WAC: variants seen among roughly 807,000 people sequenced by gnomAD.
The protein encoded by WAC is WW domain-containing adapter protein with coiled-coil.
A neutral mutation model predicts 79.6 loss-of-function variants in WAC; 11 were observed. The ratio of observed to expected loss-of-function variants is 0.14; its 90% CI spans 0.09 to 0.23. WAC has a LOEUF of 0.23. WAC is among the 10% of genes least tolerant of loss of function. WAC has a pLI of 1.00. For missense variants in WAC, 728 were observed against 773.5 expected (o/e 0.94, Z 0.70); for synonymous variants, 304 against 276.9 (o/e 1.10, Z -0.97).
chr10:28,534,768 A>G (rs761747614), intron 2 of WAC, among the ~76,000 whole-genome samples: 14 of 152,258 alleles, frequency 9.2e-5, no homozygotes, highest in African/African-American at 3.4e-4. Context: ...ACTAGAGAGC[A>G]GGTTTCTAAC....
At chr10:28,582,050 A>G (rs1412372418) in intron 3 of WAC, among the ~76,000 whole-genome samples, 1 of 152,242 alleles carries the variant, frequency 6.6e-6, no homozygotes, top group African/African-American at 2.4e-5. Flanking sequence ...TTAAGTAACC[A>G]TTGTACTTAG....
chr10:28,533,735 A>G, intron 1 of WAC, 115 bp downstream of exon 1: 1 of 1,050,936 alleles, frequency 9.5e-7, no homozygotes, highest in South Asian at 1.5e-5. Flanking sequence ...CCTGATCCGG[A>G]TCGGGTTGGG....
chr10:28,615,998 T>A, intron 11 of WAC, 175 bp from the exon 12 acceptor site: 3 of 499,136 alleles, frequency 6.0e-6, no homozygotes, highest in Non-Finnish European at 1.0e-5. Flanking sequence ...TAAAGTGTTT[T>A]GAGGAATCAT....
At chr10:28,596,515 G>A (rs1840377918) in intron 7 of WAC, among the ~76,000 whole-genome samples, 1 of 152,176 alleles carries the variant, frequency 6.6e-6, no homozygotes, top group African/African-American at 2.4e-5. Context: ...GTTAATGTCT[G>A]AATTGGACCT....
intron 3 of WAC, among the ~76,000 whole-genome samples, chr10:28,583,116 A>G (rs1034999068): frequency 1.3e-5 from 2 of 152,118 alleles, no homozygotes; most frequent in African/African-American, 4.8e-5. Flanking sequence ...AAGTTGCTAC[A>G]AATGATAAAG....
At chr10:28,537,559 C>T (rs748957202) in intron 3 of WAC, 7 of 152,176 alleles carry the variant, frequency 4.6e-5, no homozygotes, top group Non-Finnish European at 8.8e-5. Flanking sequence ...TTCCAGCAAA[C>T]CTTGCTCAGC....
intron 3 of WAC, among the ~76,000 whole-genome samples, chr10:28,547,380 C>A (rs551213360): frequency 6.6e-6 from 1 of 151,872 alleles, no homozygotes; most frequent in Non-Finnish European, 1.5e-5. Flanking sequence ...ACTAAAAATA[C>A]AAAAATTAGC....
intron 9 of WAC, chr10:28,611,511 T>G: frequency 7.2e-7 from 1 of 1,382,056 alleles, no homozygotes; most frequent in Non-Finnish European, 9.5e-7. Flanking sequence ...GAGATTAGGT[T>G]CAGGCCTAGC....
intron 3 of WAC, among the ~76,000 whole-genome samples, chr10:28,541,815 A>AT (rs1564373224): frequency 6.6e-6 from 1 of 152,060 alleles, no homozygotes; most frequent in Non-Finnish European, 1.5e-5. Context: ...CTATTTTATC[A>AT]TTTTAGTTCT....
chr10:28,566,896 G>C lies in WAC; in HGVS notation c.275-16503G>C, dbSNP rs1361168618. ...GAGTCCTTTTCAATCTGCAGATTCA[G>C]ATCTTCTTTTATTTCAGGGAAGTTT... On this transcript the variant is annotated intron_variant, in intron 3 of 13. Transcript: ENST00000354911. Among the ~76,000 whole-genome samples, 3 of 150,064 alleles carry C rather than the reference G, an allele frequency of 2.0e-5. No individual in the cohort carries two copies. The East Asian group carries it at 5.8e-4, about 29-fold the overall frequency.
At chr10:28,544,621 T>G (rs751053402) in intron 3 of WAC, among the ~76,000 whole-genome samples, 16 of 152,180 alleles carry the variant, frequency 1.1e-4, no homozygotes, top group Non-Finnish European at 2.2e-4. Flanking sequence ...GCTGCTGCTT[T>G]CTTTGTTTAG....
intron 3 of WAC, among the ~76,000 whole-genome samples, chr10:28,549,484 G>A (rs1335311610): frequency 6.6e-6 from 1 of 152,128 alleles, no homozygotes; most frequent in Non-Finnish European, 1.5e-5. Context: ...CCTGATTAAT[G>A]CCTGGGAAGT....
chr10:28,534,352 T>C (rs1836492021), intron 2 of WAC: 1 of 323,802 alleles, frequency 3.1e-6, no homozygotes, highest in African/African-American at 2.1e-5. Flanking sequence ...GATAGGTGAC[T>C]TACGAGGCTT....
intron 7 of WAC, among the ~76,000 whole-genome samples, chr10:28,607,431 G>A (rs368430088): frequency 1.3e-5 from 2 of 152,198 alleles, no homozygotes; most frequent in Non-Finnish European, 2.9e-5. Context: ...TTTGATTACA[G>A]TTACATTAAA....
intron 3 of WAC, among the ~76,000 whole-genome samples, chr10:28,558,236 G>A (rs1203179040): frequency 6.6e-6 from 1 of 150,950 alleles, no homozygotes; most frequent in African/African-American, 2.4e-5. Flanking sequence ...TTTTTCTGTT[G>A]CCACTTTGTT....
chr10:28,609,490 G>C (rs1436451432), intron 8 of WAC, among the ~76,000 whole-genome samples: 1 of 145,994 alleles, frequency 6.8e-6, no homozygotes, highest in Non-Finnish European at 1.6e-5. Context: ...TCATTAGTCT[G>C]TTCTTACTGT....
In WAC at chr10:28,622,425, G is replaced by GCCCCCC. The variant is rs35804351; in HGVS notation, c.*2833_*2838dup. 9 of 3,770 alleles carry GCCCCCC rather than the reference G, an allele frequency of 2.4e-3. No homozygotes were observed. The highest frequency in any genetic ancestry group is 8.0e-3 in the Non-Finnish European group (4 of 498). The allele number at this position is 3,770 out of a possible 1,614,324, so 0.2% of individuals were successfully genotyped here. On this transcript the variant is annotated 3_prime_UTR_variant, in exon 14 of 14. Transcript: ENST00000354911. ...ACTTGAGTGGCCTTTCCCTCCCCCT[G>GCCCCCC]CCCCCCCCCCCCCCCCCCCGTTTTA... is the stretch of plus-strand genomic sequence containing the variant.
rs563226401 is a variant in WAC, at chr10:28,617,782, A to G, written c.1872A>G (p.Gln624=). The change falls in exon 13 of 14, where the codon CAA becomes CAG. Residue 624 remains glutamine (Q), a splice_region_variant and synonymous_variant. Coordinates refer to ENST00000354911, the MANE Select transcript of WAC (RefSeq NM_016628.5). ...VCEIQATLRE[Q]RILFLRQQIK... is the part of the protein sequence containing the mutation. ...AAATTCAAGCAACTTTGCGAGAGCAAAGGTAAGTCTTTCACTGAAATATAT... is the reference window on the plus strand; with the variant it reads ...AAATTCAAGCAACTTTGCGAGAGCAGAGGTAAGTCTTTCACTGAAATATAT... 3 of 1,580,786 alleles carry G rather than the reference A, an allele frequency of 1.9e-6. No individual in the cohort carries two copies. The African/African-American group carries it at 4.1e-5, about 22-fold the overall frequency.
intron 7 of WAC, among the ~76,000 whole-genome samples, chr10:28,604,753 G>A (rs1011069602): frequency 1.3e-5 from 2 of 152,076 alleles, no homozygotes; most frequent in Non-Finnish European, 2.9e-5. Flanking sequence ...TTCCTCTCCC[G>A]AGGAAGCTCA....
Sources: gnomAD v4.1 joint callset for allele counts (sites outside exome capture counted in the v4.1 genomes callset) on GRCh38, gnomAD v4.1.1 for gene constraint, MANE v1.5 for transcripts, NCBI Gene and HGNC (gene_info 2026-07-23, HGNC 2026-07-21) for gene names.